The following AFF3 variants were observed in gnomAD, a reference collection of about 807,000 sequenced individuals.
AFF3 encodes ALF transcription elongation factor 3.
A neutral mutation model predicts 129.7 loss-of-function variants in AFF3; 32 were observed. The observed-to-expected ratio is 0.25, with a 90% CI of 0.19 to 0.33. The LOEUF is 0.33. Among genes scored for constraint, AFF3 ranks in the 10% least tolerant of loss-of-function variants. The pLI, the probability that AFF3 is intolerant of heterozygous loss-of-function variation, is 1.00. For synonymous variants in AFF3, 644 were observed against 635.4 expected (o/e 1.01, Z -0.20); for missense variants, 1,373 against 1,592.0 (o/e 0.86, Z 2.34).
chr2:100,090,812 G>A (rs931301354), intron 4 of AFF3, among the ~76,000 whole-genome samples: 1 of 152,254 alleles, frequency 6.6e-6, no homozygotes, highest in Non-Finnish European at 1.5e-5. Flanking sequence ...GATGAGCTGG[G>A]ATTACAGGCG....
At chr2:99,832,037 G>A (rs995127730) in intron 8 of AFF3, among the ~76,000 whole-genome samples, 1 of 152,218 alleles carries the variant, frequency 6.6e-6, no homozygotes. Context: ...ACTTGCGTCA[G>A]TCCTCTAGTG....
intron 20 of AFF3, among the ~76,000 whole-genome samples, chr2:99,561,435 A>ACATTTTATC (rs1488542754): frequency 4.6e-5 from 7 of 152,256 alleles, no homozygotes; most frequent in African/African-American, 1.7e-4. Context: ...ATTGGTATCA[A>ACATTTTATC]CATTTTATCA....
At chr2:99,556,985 T>C (rs1674985434) in intron 22 of AFF3, among the ~76,000 whole-genome samples, 2 of 152,082 alleles carry the variant, frequency 1.3e-5, no homozygotes, top group South Asian at 2.1e-4. Flanking sequence ...TGGAGATCTA[T>C]TGTATGGGAT....
At chr2:99,767,646 G>A (rs761550748) in intron 8 of AFF3, among the ~76,000 whole-genome samples, 80 of 152,268 alleles carry the variant, frequency 5.3e-4, no homozygotes, top group Middle Eastern at 3.4e-3. Flanking sequence ...CAGTAAACTG[G>A]CCATCACCAT....
intron 14 of AFF3, among the ~76,000 whole-genome samples, chr2:99,598,723 C>A (rs1679532427): frequency 1.3e-5 from 2 of 152,180 alleles, no homozygotes; most frequent in African/African-American, 4.8e-5. Flanking sequence ...CTATGAAGAG[C>A]CTGACTGTCA....
chr2:99,855,382 C>G (rs925390463), intron 7 of AFF3, among the ~76,000 whole-genome samples: 1 of 152,008 alleles, frequency 6.6e-6, no homozygotes, highest in Non-Finnish European at 1.5e-5. Context: ...AAAATATTTG[C>G]AAAACATATA....
chr2:99,684,599 C>T (rs1674860383), intron 11 of AFF3, among the ~76,000 whole-genome samples: 2 of 151,550 alleles, frequency 1.3e-5, no homozygotes, highest in Admixed American at 1.3e-4. Flanking sequence ...CACACTAAGG[C>T]ATTTCCATGA....
intron 7 of AFF3, among the ~76,000 whole-genome samples, chr2:100,005,930 G>A (rs1681932149): frequency 1.3e-5 from 2 of 152,154 alleles, no homozygotes; most frequent in Non-Finnish European, 2.9e-5. Flanking sequence ...CAGTTCCTAA[G>A]TATAATGTTC....
At position 99,548,371 on chromosome 2, in the gene AFF3, A is replaced by G. The variant is rs1674177465; in HGVS notation, c.*3103T>C. The G allele has an allele frequency of 5.0e-6, 1 of 199,868 alleles. No individual in the cohort carries two copies. Among genetic ancestry groups the G allele is most frequent in the Non-Finnish European group, 1.0e-5 (1 of 96,656 alleles). The allele number at this position is 199,868 out of a possible 1,614,324, so 12.4% of individuals were successfully genotyped here. A position where few individuals can be genotyped will look rare whatever the true frequency, so the allele number is the denominator to read the frequency against. ...CAGGGACTTACACTTTCTACTTTCT[A>G]CATTTCTGCACTGTTTGAGTTTTTA... is the stretch of plus-strand genomic sequence containing the variant. On this transcript the variant is annotated 3_prime_UTR_variant, in exon 25 of 25. Transcript: ENST00000672756.
At chr2:99,572,190 C>T (rs1007955462) in intron 18 of AFF3, among the ~76,000 whole-genome samples, 8 of 151,678 alleles carry the variant, frequency 5.3e-5, no homozygotes, top group African/African-American at 1.9e-4. Context: ...AAAGCCAGAG[C>T]TTAGCTGCAT....
intron 7 of AFF3, among the ~76,000 whole-genome samples, chr2:99,970,472 C>T (rs978269034): frequency 6.6e-6 from 1 of 152,222 alleles, no homozygotes; most frequent in Non-Finnish European, 1.5e-5. Flanking sequence ...TTCATCATCA[C>T]CCACCCACAC....
At chr2:100,140,787 G>A (rs968197456) in intron 1 of AFF3, among the ~76,000 whole-genome samples, 2 of 152,040 alleles carry the variant, frequency 1.3e-5, no homozygotes, top group African/African-American at 4.8e-5. Flanking sequence ...CATAGGGAGG[G>A]GTGTTCTGTG....
rs778017301 is a variant in AFF3, at chr2:99,554,713, T to C, written c.3305A>G (p.Gln1102Arg). 27 of 1,614,216 alleles carry C rather than the reference T, an allele frequency of 1.7e-5. No individual in the cohort carries two copies. The highest frequency in any genetic ancestry group is 2.2e-5 in the Non-Finnish European group (26 of 1,180,030). The change falls in exon 23 of 25, where the codon CAA (glutamine) becomes CGA (arginine). Residue 1102 changes from glutamine to arginine, a missense_variant. Gln to Arg is a conservative substitution (Grantham distance 43). Coordinates refer to ENST00000672756, the MANE Select transcript of AFF3 (RefSeq NM_001386135.1). ...DYFKNSSKAA[Q>R]APSPWGASGK... The stretch of plus-strand genomic sequence containing the variant: ...ACTGGCCCCCCACGGAGATGGGGCT[T>C]GGGCGGCTTTAGATGAGTTCTGCAA...
At chr2:100,034,717 T>C (rs1445132613) in intron 4 of AFF3, among the ~76,000 whole-genome samples, 1 of 152,020 alleles carries the variant, frequency 6.6e-6, no homozygotes, top group African/African-American at 2.4e-5. Flanking sequence ...CTAGTGCCTA[T>C]AAAAAGAGCC....
chr2:100,090,213 GAA>G (rs200722245), intron 4 of AFF3, among the ~76,000 whole-genome samples: 1 of 94,552 alleles, frequency 1.1e-5, no homozygotes, highest in African/African-American at 3.9e-5. Flanking sequence ...TGATCTACAT[GAA>G]AAAAAAAATC....
At chr2:99,666,292 A>T (rs1686664760) in intron 12 of AFF3, among the ~76,000 whole-genome samples, 1 of 152,350 alleles carries the variant, frequency 6.6e-6, no homozygotes, top group Admixed American at 6.5e-5. Flanking sequence ...ATTCTGTAAC[A>T]AAGGTAATTA....
At chr2:99,591,663 C>T (rs554815638) in intron 15 of AFF3, among the ~76,000 whole-genome samples, 6 of 152,276 alleles carry the variant, frequency 3.9e-5, no homozygotes, top group East Asian at 1.9e-4. Context: ...ATCAGGGATT[C>T]GAAATAGCTG....
chr2:99,582,663 C>T (rs1677684623), intron 17 of AFF3, 135 bp downstream of exon 17: 2 of 909,998 alleles, frequency 2.2e-6, no homozygotes, highest in Non-Finnish European at 3.4e-6. Flanking sequence ...GTTGGGTCTT[C>T]CTAGAAGCGG....
chr2:99,815,449 G>A (rs1358320463), intron 8 of AFF3, among the ~76,000 whole-genome samples: 1 of 152,102 alleles, frequency 6.6e-6, no homozygotes, highest in African/African-American at 2.4e-5. Context: ...CACAAGTCCC[G>A]GCTCCTGCCT....
Sources: gnomAD v4.1 joint callset for allele counts (sites outside exome capture counted in the v4.1 genomes callset) on GRCh38, gnomAD v4.1.1 for gene constraint, MANE v1.5 for transcripts, NCBI Gene and HGNC (gene_info 2026-07-23, HGNC 2026-07-21) for gene names.